Variants in COP1 observed in about 807,000 individuals in gnomAD.
COP1 encodes E3 ubiquitin-protein ligase COP1.
A neutral mutation model predicts 101.3 loss-of-function variants in COP1; 24 were observed. That is an observed-to-expected ratio of 0.24 (90% CI 0.17 to 0.33). The LOEUF (loss-of-function observed/expected upper bound fraction) is 0.33, where lower values mean the gene tolerates loss of function less well. Ranked by LOEUF, COP1 falls within the 10% of genes least tolerant of loss-of-function variation. The pLI is 1.00. For missense variants in COP1, 663 were observed against 906.2 expected, an observed-to-expected ratio of 0.73 and a Z score of 3.45; for synonymous variants, 347 against 341.9, an observed-to-expected ratio of 1.01 and a Z score of -0.17.
chr1:176,075,432 C>T (rs887451271), intron 11 of COP1, among the ~76,000 whole-genome samples: 1 of 152,126 alleles, frequency 6.6e-6, no homozygotes, highest in Non-Finnish European at 1.5e-5. Flanking sequence ...TTAAAACTTA[C>T]CAAATTCCCG....
intron 18 of COP1, among the ~76,000 whole-genome samples, chr1:175,971,767 T>C (rs574359349): frequency 6.6e-6 from 1 of 152,342 alleles, no homozygotes; most frequent in South Asian, 2.1e-4. Context: ...TTCCAATTAA[T>C]AATGAGCACT....
At chr1:176,050,058 G>T (rs576645423) in intron 11 of COP1, among the ~76,000 whole-genome samples, 21 of 152,278 alleles carry the variant, frequency 1.4e-4, no homozygotes, top group African/African-American at 4.8e-4. Context: ...AAAATTTACT[G>T]CATGACAAAT....
chr1:176,084,293 G>GA (rs1347645983), intron 10 of COP1, among the ~76,000 whole-genome samples: 1 of 152,114 alleles, frequency 6.6e-6, no homozygotes, highest in Non-Finnish European at 1.5e-5. Flanking sequence ...TTAATATCCA[G>GA]AAATTGTTAG....
At chr1:176,175,609 C>G (rs1696821654) in intron 3 of COP1, among the ~76,000 whole-genome samples, 1 of 152,232 alleles carries the variant, frequency 6.6e-6, no homozygotes, top group Non-Finnish European at 1.5e-5. Context: ...GCCAGCCCCT[C>G]ACCTCCTGCT....
chr1:176,078,323 C>A (rs1257062923), intron 11 of COP1, among the ~76,000 whole-genome samples: 1 of 151,976 alleles, frequency 6.6e-6, no homozygotes, highest in African/African-American at 2.4e-5. Flanking sequence ...GAATAGAATA[C>A]AGAACCCAGG....
intron 18 of COP1, among the ~76,000 whole-genome samples, chr1:175,954,729 T>C (rs1002267268): frequency 6.6e-6 from 1 of 152,036 alleles, no homozygotes; most frequent in African/African-American, 2.4e-5. Context: ...AAGGAACATT[T>C]CCAAACTCAG....
chr1:175,998,937 CAT>C (rs753801342), intron 15 of COP1, among the ~76,000 whole-genome samples: 30 of 152,030 alleles, frequency 2.0e-4, no homozygotes, highest in Non-Finnish European at 3.7e-4. Context: ...CAATTCCACT[CAT>C]GTTAATGATA....
At chr1:176,088,035 A>G (rs1363468464) in intron 9 of COP1, among the ~76,000 whole-genome samples, 2 of 152,166 alleles carry the variant, frequency 1.3e-5, no homozygotes, top group Non-Finnish European at 2.9e-5. Flanking sequence ...GTTCTCACTC[A>G]TAGGTGGGAA....
At chr1:176,160,839 A>C (rs1694217130) in intron 5 of COP1, among the ~76,000 whole-genome samples, 1 of 152,190 alleles carries the variant, frequency 6.6e-6, no homozygotes, top group Admixed American at 6.5e-5. Context: ...GCCTGTTATG[A>C]AGCAGTCCAG....
At chr1:176,168,793 C>G in intron 3 of COP1, 1 of 219,846 alleles carries the variant, frequency 4.5e-6, no homozygotes. Context: ...AGAGAAAATG[C>G]TGTGGAAGGT....
chr1:176,027,372 A>AT (rs1667856862), intron 15 of COP1, among the ~76,000 whole-genome samples, 200 bp downstream of exon 15: 1 of 152,210 alleles, frequency 6.6e-6, no homozygotes, highest in Non-Finnish European at 1.5e-5. Context: ...CTACGTATTA[A>AT]AGATAAGTGA....
intron 18 of COP1, among the ~76,000 whole-genome samples, chr1:175,974,760 TG>T (rs1356394967): frequency 6.6e-6 from 1 of 151,504 alleles, no homozygotes; most frequent in Non-Finnish European, 1.5e-5. Context: ...GGGCCAGGCA[TG>T]GTGGCTCAGG....
At chr1:175,994,795 G>T (rs888288590) in intron 15 of COP1, among the ~76,000 whole-genome samples, 2 of 152,090 alleles carry the variant, frequency 1.3e-5, no homozygotes, top group East Asian at 3.8e-4. Context: ...CAATAATAAT[G>T]GGAGACTTTA....
At chr1:176,110,120 A>T (rs1257344825) in intron 9 of COP1, among the ~76,000 whole-genome samples, 1 of 152,180 alleles carries the variant, frequency 6.6e-6, no homozygotes, top group African/African-American at 2.4e-5. Context: ...TCTAATTCAC[A>T]CAATGCAGAC....
intron 11 of COP1, among the ~76,000 whole-genome samples, chr1:176,061,875 T>C (rs1674914550): frequency 1.3e-5 from 2 of 152,186 alleles, no homozygotes; most frequent in Non-Finnish European, 2.9e-5. Context: ...AAGACACTAT[T>C]AAGAAAATAC....
At chr1:176,155,713 A>T (rs1262400066) in intron 5 of COP1, among the ~76,000 whole-genome samples, 1 of 152,114 alleles carries the variant, frequency 6.6e-6, no homozygotes, top group Non-Finnish European at 1.5e-5. Context: ...TAGGAATAAC[A>T]TAGTCAAATT....
chr1:176,151,742 C>A (rs377017099), intron 5 of COP1, among the ~76,000 whole-genome samples: 1 of 152,128 alleles, frequency 6.6e-6, no homozygotes, highest in Admixed American at 6.6e-5. Context: ...TAGTATCCTT[C>A]GGTTATATGG....
At chr1:176,000,986 C>T (rs1402917778) in intron 15 of COP1, among the ~76,000 whole-genome samples, 3 of 152,062 alleles carry the variant, frequency 2.0e-5, no homozygotes, top group Non-Finnish European at 1.5e-5. Context: ...ACCTTTGAAA[C>T]ATTATGGCCA....
chr1:176,179,501 G>A (rs996180354), intron 2 of COP1, among the ~76,000 whole-genome samples: 2 of 152,146 alleles, frequency 1.3e-5, no homozygotes, highest in East Asian at 3.8e-4. Flanking sequence ...TTGCGAGGGC[G>A]AGGCAGGAGG....
Sources: gnomAD v4.1 joint callset for allele counts (sites outside exome capture counted in the v4.1 genomes callset) on GRCh38, gnomAD v4.1.1 for gene constraint, MANE v1.5 for transcripts, NCBI Gene and HGNC (gene_info 2026-07-23, HGNC 2026-07-21) for gene names.